TTC28: variants seen among roughly 807,000 people sequenced by gnomAD.
The protein encoded by TTC28 is tetratricopeptide repeat protein 28.
Under a neutral mutation model 198.0 loss-of-function variants are expected in TTC28, and 61 were observed. The ratio of observed to expected loss-of-function variants is 0.31; its 90% confidence interval spans 0.25 to 0.38. The LOEUF is 0.38. Among genes scored for constraint, TTC28 ranks in the 10% least tolerant of loss-of-function variants. The pLI is 1.00. For missense variants in TTC28, 2,678 were observed against 3,164.0 expected (o/e 0.85, Z 3.69); for synonymous variants, 1,171 against 1,297.8 (o/e 0.90, Z 2.10).
chr22:28,090,509 T>C (rs1040917720), intron 12 of TTC28, among the ~76,000 whole-genome samples: 2 of 152,170 alleles, frequency 1.3e-5, no homozygotes, highest in African/African-American at 2.4e-5. Context: ...CTATAATATA[T>C]AAACCTAGGA....
At chr22:28,450,207 C>T (rs1385550771) in intron 2 of TTC28, among the ~76,000 whole-genome samples, 1 of 151,994 alleles carries the variant, frequency 6.6e-6, no homozygotes, top group East Asian at 1.9e-4. Flanking sequence ...AAAAATTCTT[C>T]CAGTGATGAA....
intron 12 of TTC28, among the ~76,000 whole-genome samples, chr22:28,079,636 A>G (rs1941274440): frequency 6.6e-6 from 1 of 152,164 alleles, no homozygotes; most frequent in Admixed American, 6.5e-5. Context: ...AAATGAAATC[A>G]TGTAGTATTT....
intron 17 of TTC28, chr22:27,994,650 G>A (rs1175435390): frequency 6.6e-5 from 10 of 152,288 alleles, no homozygotes; most frequent in Admixed American, 6.5e-4. Context: ...GGAGGAGTTA[G>A]AAGGTAGGGG....
chr22:28,150,680 C>T (rs527899194), intron 6 of TTC28, among the ~76,000 whole-genome samples: 2 of 152,310 alleles, frequency 1.3e-5, no homozygotes, highest in African/African-American at 2.4e-5. Context: ...CCATTGCTGG[C>T]AAAGCAAAGG....
Position 27,999,251 on chromosome 22 carries a change from G to A in TTC28, c.4408C>T (p.Arg1470Trp), listed in dbSNP as rs929418597. Reference protein sequence around the residue: ...SLSVQSKSHLRKNPPTYSSST... With the variant: ...SLSVQSKSHLWKNPPTYSSST... ...CTGGAGTATGTGGGCGGGTTCTTCC[G>A]TAAGTGAGACTAGGAGGGGAGGGGA... Residue 1470 changes from arginine (R) to tryptophan (W), a missense_variant, in exon 16 of 23, where the codon CGG becomes TGG. Physicochemically the swap from Arg to Trp is moderately radical, Grantham distance 101. Coordinates refer to ENST00000397906, the MANE Select transcript of TTC28 (RefSeq NM_001145418.2). The A allele has an allele frequency of 1.6e-5, 25 of 1,548,248 alleles. No homozygotes were observed. The African/African-American group carries it at 1.6e-4, about 10-fold the overall frequency.
chr22:28,135,454 C>T (rs1001555694), intron 6 of TTC28, among the ~76,000 whole-genome samples: 3 of 152,010 alleles, frequency 2.0e-5, no homozygotes, highest in Admixed American at 6.6e-5. Context: ...AGGAGTAAAA[C>T]GCCAGAGCTA....
chr22:28,279,447 T>C (rs142121339), intron 5 of TTC28, among the ~76,000 whole-genome samples: 2,481 of 152,318 alleles, frequency 0.016, 41 homozygotes, highest in Admixed American at 0.028. Context: ...CTTGGCTCAC[T>C]GCAACCTCCT....
In TTC28 at chr22:28,265,555, T is replaced by C. The variant is rs1415329147; in HGVS notation, c.933+30643A>G. On this transcript the variant is annotated intron_variant, in intron 5 of 22. Transcript: ENST00000397906. The stretch of plus-strand genomic sequence containing the variant: ...TGGGACACAAGAGAAGCTTAGTAAA[T>C]GGGTGCTTTTGTTACTATGTCAGTG... 2.0e-5 allele frequency among the ~76,000 whole-genome samples: 3 copies of C among 152,156 alleles called. No individual in the cohort carries two copies. The East Asian group carries it at 5.8e-4, about 29-fold the overall frequency.
chr22:28,294,777 C>A (rs1010264272), intron 5 of TTC28, among the ~76,000 whole-genome samples: 1 of 152,058 alleles, frequency 6.6e-6, no homozygotes, highest in Admixed American at 6.6e-5. Context: ...CCATGTTGGC[C>A]AGGCTGGTCT....
intron 1 of TTC28, among the ~76,000 whole-genome samples, chr22:28,658,582 A>G (rs2051694959): frequency 6.6e-6 from 1 of 152,260 alleles, no homozygotes; most frequent in Non-Finnish European, 1.5e-5. Context: ...CACTTTTACA[A>G]GATGAAGAGT....
In TTC28 at chr22:28,628,901, T is replaced by A. The variant is rs989013430; in HGVS notation, c.381+651A>T. On this transcript the variant is annotated intron_variant, in intron 2 of 22. Coordinates refer to ENST00000397906, the MANE Select transcript of TTC28 (RefSeq NM_001145418.2). ...CCAGCCTTGGTGACAGAGTAAGACC[T>A]TGTCTCAGAAAGAAAAAAGGAAAAA... Among the ~76,000 whole-genome samples the A allele has an allele frequency of 2.0e-5, 3 of 150,140 alleles. No individual in the cohort carries two copies. The South Asian group carries it at 6.3e-4, about 31-fold the overall frequency.
chr22:28,556,007 T>C (rs777504886), intron 2 of TTC28, among the ~76,000 whole-genome samples: 3 of 152,028 alleles, frequency 2.0e-5, no homozygotes, highest in Non-Finnish European at 4.4e-5. Context: ...CCATAAAATA[T>C]ACCCTTTAGT....
chr22:28,401,187 AG>A (rs965059311), intron 2 of TTC28, among the ~76,000 whole-genome samples: 5 of 148,336 alleles, frequency 3.4e-5, no homozygotes, highest in Admixed American at 6.7e-5. Flanking sequence ...AAGGAAAAGG[AG>A]GGGGGGAGGA....
At chr22:28,037,710 A>G (rs1272054813) in intron 12 of TTC28, among the ~76,000 whole-genome samples, 1 of 152,204 alleles carries the variant, frequency 6.6e-6, no homozygotes, top group Non-Finnish European at 1.5e-5. Context: ...TTCAATTAGG[A>G]AAAGAGGAAG....
At position 28,590,525 on chromosome 22, in the gene TTC28, G is replaced by A. The variant is rs533736293; in HGVS notation, c.381+39027C>T. ...GCCATCACTTTGGGAAGCCAAGGCC[G>A]GAGGACTGCTTGAGGCCAGGAGCTC... On this transcript the variant is annotated intron_variant, in intron 2 of 22. Transcript: ENST00000397906. 3.7e-4 allele frequency among the ~76,000 whole-genome samples: 56 copies of A among 152,088 alleles called. No homozygotes were observed. The South Asian group carries it at 5.4e-3, about 15-fold the overall frequency.
In TTC28 at chr22:28,530,868, T is replaced by C. The variant is rs12484855; in HGVS notation, c.381+98684A>G. On this transcript the variant is annotated intron_variant, in intron 2 of 22. Transcript: ENST00000397906. ...ACAGACAAGCAAATGCTGAGAGATT[T>C]TGTCACCACCAGGCCTGCCTTACAA... 7.6e-3 allele frequency among the ~76,000 whole-genome samples: 1,164 copies of C among 152,278 alleles called. 58 individuals are homozygous for C. Among genetic ancestry groups the C allele is most frequent in the Admixed American group, 0.069 (1,051 of 15,292 alleles).
chr22:28,123,484 T>C (rs1344682136), intron 6 of TTC28, among the ~76,000 whole-genome samples: 1 of 151,978 alleles, frequency 6.6e-6, no homozygotes, highest in African/African-American at 2.4e-5. Flanking sequence ...CTCAAATCCC[T>C]GACCTCAGGT....
intron 2 of TTC28, among the ~76,000 whole-genome samples, chr22:28,430,321 T>G (rs1411319230): frequency 6.6e-6 from 1 of 152,172 alleles, no homozygotes; most frequent in Non-Finnish European, 1.5e-5. Flanking sequence ...ATTCTGCAAA[T>G]ATCATTCCCT....
At chr22:28,596,997 G>T (rs1386450810) in intron 2 of TTC28, among the ~76,000 whole-genome samples, 1 of 152,124 alleles carries the variant, frequency 6.6e-6, no homozygotes, top group East Asian at 1.9e-4. Context: ...TATTTCACCT[G>T]GGAGGATATA....
Sources: allele counts gnomAD v4.1 joint callset (sites outside exome capture counted in the v4.1 genomes callset), GRCh38; gene constraint gnomAD v4.1.1; transcripts MANE v1.5; gene names NCBI Gene and HGNC (gene_info 2026-07-23, HGNC 2026-07-21).